MLKL: variants seen among roughly 807,000 people sequenced by gnomAD.
MLKL encodes the protein mixed lineage kinase domain like pseudokinase.
In MLKL, 55 loss-of-function variants were observed where a neutral mutation model predicts 56.5. The ratio of observed to expected loss-of-function variants is 0.97; its 90% CI spans 0.78 to 1.22. The LOEUF is 1.22. Among genes scored for constraint, MLKL ranks in the 50% most tolerant of loss-of-function variants. The probability of loss-of-function intolerance (pLI) is 0.00; values close to 1 mark genes in which losing one functional copy is unlikely to be tolerated. For missense variants in MLKL, 694 were observed against 573.9 expected, an observed-to-expected ratio of 1.21 and a Z score of -2.14; for synonymous variants, 251 against 208.3, an observed-to-expected ratio of 1.20 and a Z score of -1.76.
chr16:74,672,438 G>T lies in MLKL; in HGVS notation c.*66C>A. On this transcript the variant is annotated 3_prime_UTR_variant, in exon 11 of 11. Coordinates refer to ENST00000308807, the MANE Select transcript of MLKL (RefSeq NM_152649.4). ...CCAATGCCGAAGGATATGAGAGAGA[G>T]AGATGTCCAGTTTGTGCCTCTCCCA... 7.0e-7 allele frequency: 1 copy of T among 1,424,686 alleles called. No individual in the cohort carries two copies. Among genetic ancestry groups the T allele is most frequent in the South Asian group, 1.2e-5 (1 of 86,788 alleles). The allele number at this position is 1,424,686 out of a possible 1,614,324, so 88.3% of individuals were successfully genotyped here.
intron 10 of MLKL, among the ~76,000 whole-genome samples, 175 bp downstream of exon 10, chr16:74,674,785 C>G (rs1036900103): frequency 6.6e-6 from 1 of 152,166 alleles, no homozygotes; most frequent in Non-Finnish European, 1.5e-5. Context: ...TAGCACACTC[C>G]ATCCTACCTC....
At chr16:74,684,531 G>A (rs956024281) in intron 5 of MLKL, among the ~76,000 whole-genome samples, 3 of 149,444 alleles carry the variant, frequency 2.0e-5, no homozygotes. Flanking sequence ...GTCTCACTCT[G>A]TCACCCAGGC....
At chr16:74,675,983 T>C in intron 7 of MLKL, 3 of 559,116 alleles carry the variant, frequency 5.4e-6, no homozygotes, top group Non-Finnish European at 9.2e-6. Context: ...AGATTTCTTC[T>C]GTATAAAATG....
At chr16:74,692,555 C>G in intron 2 of MLKL, 139 bp from the exon 3 acceptor site, 1 of 641,810 alleles carries the variant, frequency 1.6e-6, no homozygotes, top group Admixed American at 3.2e-5. Flanking sequence ...CTACTGATCA[C>G]CAATATTCAG....
chr16:74,680,649 G>C (rs769150242), intron 6 of MLKL, among the ~76,000 whole-genome samples: 112 of 152,248 alleles, frequency 7.4e-4, no homozygotes, highest in Middle Eastern at 3.4e-3. Flanking sequence ...TGGGACTATA[G>C]GTGCGTGCCA....
chr16:74,685,712 A>G, intron 4 of MLKL, 129 bp from the exon 5 acceptor site: 1 of 692,846 alleles, frequency 1.4e-6, no homozygotes, highest in Non-Finnish European at 2.5e-6. Flanking sequence ...TGGTGCCAGG[A>G]TGAACTCAGC....
In MLKL at chr16:74,678,989, G is replaced by A. The variant is rs774255184; in HGVS notation, c.957-9C>T. On this transcript the variant is annotated splice_polypyrimidine_tract_variant and intron_variant, in intron 6 of 10. Transcript: ENST00000308807. ...CTTCTGAATGGTGTAGCCTGACACA[G>A]CCAAAGGCGGGGAGCATAAGTACCT... The A allele has an allele frequency of 2.5e-6, 4 of 1,612,732 alleles. No individual in the cohort carries two copies. The highest frequency in any genetic ancestry group is 2.2e-5 in the South Asian group (2 of 91,042).
intron 1 of MLKL, among the ~76,000 whole-genome samples, chr16:74,696,654 G>A (rs117769071): frequency 0.033 from 5,031 of 151,540 alleles, 117 homozygotes; most frequent in Middle Eastern, 0.058. Context: ...AAAATAAAAT[G>A]AAATAAATAA....
At position 74,689,195 on chromosome 16, in the gene MLKL, A is replaced by G. The variant is rs376130373; in HGVS notation, c.722+2082T>C. Among the ~76,000 whole-genome samples the G allele has an allele frequency of 7.9e-5, 12 of 151,342 alleles. 1 individual carries two copies. Among genetic ancestry groups the G allele is most frequent in the East Asian group, 5.8e-4 (3 of 5,154 alleles). On this transcript the variant is annotated intron_variant, in intron 4 of 10. Coordinates refer to ENST00000308807, the MANE Select transcript of MLKL (RefSeq NM_152649.4). ...AGTGGCACGATCTCAGCTCACTGCA[A>G]CCTTGGCCTCCAAGGTTCAAGTGAT...
rs188180746 is a variant in MLKL, at chr16:74,684,664, T to C, written c.820+822A>G. 4.0e-3 allele frequency among the ~76,000 whole-genome samples: 595 copies of C among 150,596 alleles called. 1 individual carries two copies. The highest frequency in any genetic ancestry group is 0.013 in the Admixed American group (202 of 15,060). The stretch of plus-strand genomic sequence containing the variant: ...CATGTGCCACCACATCCGGCTAATT[T>C]TTTGTATTTTTAGTAGAGACGGGGT... On this transcript the variant is annotated intron_variant, in intron 5 of 10. Coordinates refer to ENST00000308807, the MANE Select transcript of MLKL (RefSeq NM_152649.4).
At chr16:74,686,751 A>G (rs1168768750) in intron 4 of MLKL, among the ~76,000 whole-genome samples, 1 of 152,212 alleles carries the variant, frequency 6.6e-6, no homozygotes, top group East Asian at 1.9e-4. Flanking sequence ...TCAAAGGGCA[A>G]AGGAGGCTTG....
chr16:74,674,977 A>G lies in MLKL; in HGVS notation c.1364T>C (p.Val455Ala), dbSNP rs1177801061. 1.9e-6 allele frequency: 3 copies of G among 1,614,072 alleles called. No individual in the cohort carries two copies. The highest frequency in any genetic ancestry group is 1.7e-6 in the Non-Finnish European group (2 of 1,180,048). Residue 455 changes from valine (V) to alanine (A), a missense_variant, in exon 10 of 11, where the codon GTG (valine) becomes GCG (alanine). Coordinates refer to ENST00000308807, the MANE Select transcript of MLKL (RefSeq NM_152649.4). ...AACCCTACCATCCACAGAGGGCCGCACAGAGGGATCATGGGCCCGGCACTC... is the reference window on the plus strand; with the variant it reads ...AACCCTACCATCCACAGAGGGCCGCGCAGAGGGATCATGGGCCCGGCACTC... ...IDECRAHDPS[V>A]RPSVDEILKK... is the part of the protein sequence containing the mutation.
chr16:74,678,889 G>T lies in MLKL; in HGVS notation c.1038+10C>A, dbSNP rs778809786. 18 of 1,613,330 alleles carry T rather than the reference G, an allele frequency of 1.1e-5. No homozygotes were observed. The highest frequency in any genetic ancestry group is 2.2e-5 in the East Asian group (1 of 44,866). On this transcript the variant is annotated intron_variant, in intron 7 of 10. Coordinates refer to ENST00000308807, the MANE Select transcript of MLKL (RefSeq NM_152649.4). ...GTTTGACCCAAAGCGCCCCCGCAAG[G>T]CACACTCACCTTCACTTGGTAGCCT... is the stretch of plus-strand genomic sequence containing the variant.
chr16:74,686,606 T>C (rs1960346320), intron 4 of MLKL, among the ~76,000 whole-genome samples: 1 of 152,098 alleles, frequency 6.6e-6, no homozygotes, highest in Non-Finnish European at 1.5e-5. Context: ...AAAAAGATAT[T>C]TATTAAGTGA....
chr16:74,686,000 C>T (rs1960304378), intron 4 of MLKL, among the ~76,000 whole-genome samples: 1 of 150,016 alleles, frequency 6.7e-6, no homozygotes. Context: ...TGCTTTGTCA[C>T]CCAGGCTGGA....
chr16:74,677,297 C>T (rs1372750807), intron 7 of MLKL: 1 of 152,412 alleles, frequency 6.6e-6, no homozygotes, highest in Non-Finnish European at 1.5e-5. Context: ...TCATGATCCA[C>T]CTGCCTTGGC....
At position 74,672,442 on chromosome 16, in the gene MLKL, T is replaced by A. The variant is rs746885211; in HGVS notation, c.*62A>T. ...TGCCGAAGGATATGAGAGAGAGAGA[T>A]GTCCAGTTTGTGCCTCTCCCAGCTT... On this transcript the variant is annotated 3_prime_UTR_variant, in exon 11 of 11. Transcript: ENST00000308807. The A allele has an allele frequency of 2.9e-5, 41 of 1,431,456 alleles. No individual in the cohort carries two copies. Among genetic ancestry groups the A allele is most frequent in the Non-Finnish European group, 3.8e-5 (39 of 1,015,830 alleles). The allele number at this position is 1,431,456 out of a possible 1,614,324, so 88.7% of individuals were successfully genotyped here.
At chr16:74,687,755 GC>G (rs1328340342) in intron 4 of MLKL, among the ~76,000 whole-genome samples, 1 of 151,970 alleles carries the variant, frequency 6.6e-6, no homozygotes, top group African/African-American at 2.4e-5. Context: ...TGCAATACCT[GC>G]CTTCTGGGTT....
At chr16:74,694,856 T>TTTTG (rs112051972) in intron 2 of MLKL, among the ~76,000 whole-genome samples, 12,037 of 150,890 alleles carry the variant, frequency 0.08, 961 homozygotes, top group African/African-American at 0.21. Flanking sequence ...ATGTTAGGAG[T>TTTTG]TTTGTTTGTT....
Sources: gnomAD v4.1 joint callset for allele counts (sites outside exome capture counted in the v4.1 genomes callset) on GRCh38, gnomAD v4.1.1 for gene constraint, MANE v1.5 for transcripts, NCBI Gene and HGNC (gene_info 2026-07-23, HGNC 2026-07-21) for gene names.